Variants in HMCN1 observed in about 807,000 individuals in gnomAD.
The protein encoded by HMCN1 is hemicentin-1.
A neutral mutation model predicts 625.9 loss-of-function variants in HMCN1; 321 were observed. The ratio of observed to expected loss-of-function variants is 0.51; its 90% confidence interval spans 0.47 to 0.56. HMCN1 has a LOEUF of 0.56. Ranked by LOEUF, HMCN1 falls within the 20% of genes least tolerant of loss-of-function variation. The pLI, the probability that HMCN1 is intolerant of heterozygous loss-of-function variation, is 0.00. For missense variants in HMCN1, 6,588 were observed against 6,887.3 expected, an observed-to-expected ratio of 0.96 and a Z score of 1.54; for synonymous variants, 2,425 against 2,417.6, an observed-to-expected ratio of 1.00 and a Z score of -0.09.
rs2102022333 is a variant in HMCN1 at position 185,988,886 on chromosome 1, G to C, written c.3049-602G>C. ...TAATTCAGGTAAAGTGCTCGAAACA[G>C]AGTCTGGCATAGCATAAGCATTCAC... On this transcript the variant is annotated intron_variant, in intron 20 of 106. Transcript: ENST00000271588. 2.0e-5 allele frequency among the ~76,000 whole-genome samples: 3 copies of C among 152,254 alleles called. No homozygotes were observed. The East Asian group carries it at 5.8e-4, about 29-fold the overall frequency.
At chr1:186,128,900 G>A (rs1661782675) in intron 83 of HMCN1, among the ~76,000 whole-genome samples, 1 of 152,032 alleles carries the variant, frequency 6.6e-6, no homozygotes, top group Non-Finnish European at 1.5e-5. Context: ...GAGTTCTGAA[G>A]TATTACACTG....
intron 1 of HMCN1, among the ~76,000 whole-genome samples, chr1:185,808,218 G>A (rs1354668420): frequency 2.0e-5 from 3 of 151,980 alleles, no homozygotes; most frequent in African/African-American, 7.2e-5. Flanking sequence ...GTGGTGGTGT[G>A]CGCCTGTAAT....
chr1:185,793,349 G>T (rs1042419216), intron 1 of HMCN1, among the ~76,000 whole-genome samples: 2 of 152,068 alleles, frequency 1.3e-5, no homozygotes, highest in African/African-American at 2.4e-5. Context: ...CTTGGTTCTT[G>T]GTTCCTTCCT....
intron 4 of HMCN1, among the ~76,000 whole-genome samples, chr1:185,874,083 TG>T (rs1257195282): frequency 3.3e-5 from 5 of 152,058 alleles, no homozygotes; most frequent in African/African-American, 7.2e-5. Context: ...ATATGAATAT[TG>T]TTTTTTTTTA....
In HMCN1 at chr1:186,137,865, A is replaced by T; in HGVS notation, c.13817A>T (p.Asn4606Ile). The change falls in exon 89 of 107, where the codon AAC (asparagine) becomes ATC (isoleucine). Residue 4606 changes from asparagine to isoleucine, a missense_variant. Asn to Ile is a moderately radical substitution (Grantham distance 149, BLOSUM62 -3). Around this residue, in one of 3 missense-constraint regions of HMCN1, gnomAD observed 1,954 missense variants for 2,013.1 expected, o/e 0.97. Transcript: ENST00000271588. Reference protein sequence around the residue: ...EECTRSCGRGNQTRTRTCNNP... With the variant: ...EECTRSCGRGIQTRTRTCNNP... ...TGCACAAGGAGCTGTGGACGCGGCA[A>T]CCAAACCAGGACCAGGACTTGCAAT... 1 of 1,614,116 alleles carries T rather than the reference A, an allele frequency of 6.2e-7. No homozygotes were observed. The highest frequency in any genetic ancestry group is 8.5e-7 in the Non-Finnish European group (1 of 1,179,988).
intron 24 of HMCN1, 62 bp from the exon 25 acceptor site, chr1:185,997,367 C>T: frequency 3.0e-6 from 3 of 1,000,388 alleles, no homozygotes; most frequent in Non-Finnish European, 4.8e-6. Context: ...GTTAATTGTG[C>T]CTTAGGAGAG....
intron 1 of HMCN1, among the ~76,000 whole-genome samples, chr1:185,764,422 C>T (rs1439153755): frequency 6.6e-6 from 1 of 152,102 alleles, no homozygotes; most frequent in Non-Finnish European, 1.5e-5. Flanking sequence ...GAATTCTTAT[C>T]TGATGCTATT....
chr1:186,150,892 A>G (rs1050622572), intron 93 of HMCN1, among the ~76,000 whole-genome samples: 1 of 151,862 alleles, frequency 6.6e-6, no homozygotes, highest in Non-Finnish European at 1.5e-5. Flanking sequence ...CATCACCACC[A>G]CCAACATATT....
intron 1 of HMCN1, among the ~76,000 whole-genome samples, chr1:185,781,654 C>A (rs896019920): frequency 1.3e-5 from 2 of 152,034 alleles, no homozygotes; most frequent in Non-Finnish European, 2.9e-5. Context: ...GTAGTTGAGC[C>A]ATTTTGAGTG....
At chr1:186,100,300 T>C (rs567557593) in intron 68 of HMCN1, among the ~76,000 whole-genome samples, 1 of 152,258 alleles carries the variant, frequency 6.6e-6, no homozygotes, top group East Asian at 1.9e-4. Context: ...TGAAAATTAA[T>C]TCCATTAAAC....
Position 185,977,792 on chromosome 1 carries a change from C to T in HMCN1, c.2377C>T (p.Pro793Ser). The change falls in exon 16 of 107, where the codon CCA becomes TCA. Residue 793 changes from proline (P) to serine (S), a missense_variant. Physicochemically the swap from Pro to Ser is moderately conservative, Grantham distance 74. Around this residue, in one of 3 missense-constraint regions of HMCN1, gnomAD observed 4,628 missense variants for 4,853.1 expected, o/e 0.95. Transcript: ENST00000271588. ...TTGTTTGTAATGTCTTCCAGCACCT[C>T]CAGTTTTCATACAAGAACCTGCTGA... Reference protein sequence around the residue: ...GKITLDVGSPPVFIQEPADVS... With the variant: ...GKITLDVGSPSVFIQEPADVS... The T allele has an allele frequency of 6.2e-7, 1 of 1,609,882 alleles. No homozygotes were observed. The highest frequency in any genetic ancestry group is 1.1e-5 in the South Asian group (1 of 90,982).
intron 6 of HMCN1, among the ~76,000 whole-genome samples, chr1:185,913,838 T>C (rs1251908101): frequency 1.3e-5 from 2 of 152,168 alleles, no homozygotes; most frequent in Admixed American, 1.3e-4. Context: ...ACTTACTTAA[T>C]GGACATTACG....
rs780752235 is a variant in HMCN1, at chr1:186,081,362, C to T, written c.8755C>T (p.His2919Tyr). Residue 2919 changes from histidine (H) to tyrosine (Y), a missense_variant, in exon 56 of 107, where the codon CAT becomes TAT. His to Tyr is a moderately conservative substitution (Grantham distance 83). This residue lies in a region of HMCN1 where 4,628 missense variants were observed against 4,853.1 expected (regional missense o/e 0.95). Coordinates refer to ENST00000271588, the MANE Select transcript of HMCN1 (RefSeq NM_031935.3). ...DGQPLLEDDH[H>Y]KFLSNGRILQ... ...ACAGCCCTTGCTAGAAGATGACCATCATAAATTTCTATCTAATGGACGAAT... is the reference window on the plus strand; with the variant it reads ...ACAGCCCTTGCTAGAAGATGACCATTATAAATTTCTATCTAATGGACGAAT... 20 of 1,613,402 alleles carry T rather than the reference C, an allele frequency of 1.2e-5. No individual in the cohort carries two copies. In the South Asian group the frequency reaches 2.0e-4, roughly 16 times the overall value.
intron 4 of HMCN1, among the ~76,000 whole-genome samples, chr1:185,905,721 T>A (rs1666062094): frequency 6.6e-6 from 1 of 151,868 alleles, no homozygotes; most frequent in African/African-American, 2.4e-5. Flanking sequence ...ATATGGACTA[T>A]TTTTAAGCAT....
chr1:185,747,056 T>C (rs1338303190), intron 1 of HMCN1, among the ~76,000 whole-genome samples: 1 of 151,076 alleles, frequency 6.6e-6, no homozygotes, highest in East Asian at 1.9e-4. Flanking sequence ...AACATATGAA[T>C]TTTTGGAGGA....
chr1:186,148,193 G>A (rs988682632), intron 93 of HMCN1, among the ~76,000 whole-genome samples: 5 of 152,170 alleles, frequency 3.3e-5, no homozygotes, highest in Non-Finnish European at 7.3e-5. Context: ...TCTGTAAGAA[G>A]CAACTCCCCA....
At chr1:186,160,349 T>C (rs1273807465) in intron 97 of HMCN1, among the ~76,000 whole-genome samples, 2 of 148,736 alleles carry the variant, frequency 1.3e-5, no homozygotes, top group Non-Finnish European at 1.5e-5. Context: ...CTATCAATTT[T>C]GTTGATCCTT....
chr1:186,126,070 T>C (rs568646052), intron 82 of HMCN1, among the ~76,000 whole-genome samples: 1 of 152,262 alleles, frequency 6.6e-6, no homozygotes, highest in South Asian at 2.1e-4. Flanking sequence ...CAGTGCTATA[T>C]TCTGTGCTCT....
At chr1:186,007,308 T>G (rs375744664) in intron 30 of HMCN1, 26 bp downstream of exon 30, 61 of 1,607,836 alleles carry the variant, frequency 3.8e-5, no homozygotes, top group Non-Finnish European at 4.9e-5. Flanking sequence ...TTATGCTTTT[T>G]ATTGTCTGCT....
Sources: allele counts gnomAD v4.1 joint callset (sites outside exome capture counted in the v4.1 genomes callset), GRCh38; gene constraint gnomAD v4.1.1; regional missense constraint gnomAD v4.1.1; transcripts MANE v1.5; gene names NCBI Gene and HGNC (gene_info 2026-07-23, HGNC 2026-07-21).